Variants in MARK1 observed in about 807,000 individuals in gnomAD.
MARK1 encodes microtubule affinity regulating kinase 1, also known as serine/threonine-protein kinase MARK1.
In MARK1, 40 loss-of-function variants were observed where a neutral mutation model predicts 96.3. That is an observed-to-expected ratio of 0.42 (90% CI 0.32 to 0.54). The LOEUF (loss-of-function observed/expected upper bound fraction) is 0.54, where lower values mean the gene tolerates loss of function less well. Among genes scored for constraint, MARK1 ranks in the 20% least tolerant of loss-of-function variants. MARK1 has a pLI of 0.16. For missense variants in MARK1, 719 were observed against 984.6 expected (o/e 0.73, Z 3.61); for synonymous variants, 317 against 341.2 (o/e 0.93, Z 0.78).
chr1:220,585,519 A>T (rs1017497785), intron 3 of MARK1, among the ~76,000 whole-genome samples: 1 of 152,164 alleles, frequency 6.6e-6, no homozygotes, highest in Non-Finnish European at 1.5e-5. Context: ...GCCCTCTTTA[A>T]TTACTGGGGA....
intron 1 of MARK1, among the ~76,000 whole-genome samples, chr1:220,571,433 T>A (rs1308409530): frequency 6.6e-6 from 1 of 152,192 alleles, no homozygotes; most frequent in African/African-American, 2.4e-5. Flanking sequence ...AGCATTCTTT[T>A]CCAGCTGTTA....
intron 9 of MARK1, among the ~76,000 whole-genome samples, chr1:220,623,894 A>T (rs1190477827): frequency 6.6e-6 from 1 of 152,208 alleles, no homozygotes; most frequent in Non-Finnish European, 1.5e-5. Context: ...AAATCAGTTT[A>T]CATCCTGCCC....
intron 3 of MARK1, among the ~76,000 whole-genome samples, chr1:220,584,926 T>C (rs556280824): frequency 6.6e-6 from 1 of 152,344 alleles, no homozygotes; most frequent in Non-Finnish European, 1.5e-5. Context: ...AAACCACTTA[T>C]GTGCTGAGTA....
chr1:220,644,404 C>A (rs886088967), intron 13 of MARK1, among the ~76,000 whole-genome samples: 2 of 151,048 alleles, frequency 1.3e-5, no homozygotes, highest in Non-Finnish European at 3.0e-5. Flanking sequence ...ATAGAAGGAC[C>A]CAGATTCATA....
At chr1:220,589,145 C>T (rs1484757401) in intron 3 of MARK1, among the ~76,000 whole-genome samples, 6 of 152,152 alleles carry the variant, frequency 3.9e-5, no homozygotes, top group South Asian at 2.1e-4. Flanking sequence ...CAAGCGATGG[C>T]GAAGTCCTGT....
In MARK1 at chr1:220,528,719, C is replaced by A; in HGVS notation, c.-104C>A. On this transcript the variant is annotated 5_prime_UTR_variant, in exon 1 of 18. Coordinates refer to ENST00000366917, the MANE Select transcript of MARK1 (RefSeq NM_018650.5). The stretch of plus-strand genomic sequence containing the variant: ...CCCCGCGGCCTGCGGGAGCCGCTCG[C>A]CCCGGCCTTGTGCTCGCGTCCGCAC... 9.2e-7 allele frequency: 1 copy of A among 1,082,646 alleles called. No homozygotes were observed. Among genetic ancestry groups the A allele is most frequent in the Non-Finnish European group, 1.3e-6 (1 of 773,958 alleles). The allele number at this position is 1,082,646 out of a possible 1,614,324, so 67.1% of individuals were successfully genotyped here.
In MARK1 at chr1:220,630,219, A is replaced by C. The variant is rs766485210; in HGVS notation, c.910-816A>C. The stretch of plus-strand genomic sequence containing the variant: ...ATGTTGAGCATCTTTTCACACAGCA[A>C]GCATGCTTGTTGGCCACTTATGTAT... On this transcript the variant is annotated intron_variant, in intron 9 of 17. Coordinates refer to ENST00000366917, the MANE Select transcript of MARK1 (RefSeq NM_018650.5). 2.6e-5 allele frequency among the ~76,000 whole-genome samples: 4 copies of C among 152,140 alleles called. No homozygotes were observed. The South Asian group carries it at 8.3e-4, about 32-fold the overall frequency.
At chr1:220,657,858 C>T (rs773399668) in intron 17 of MARK1, 24 bp downstream of exon 17, 33 of 1,515,942 alleles carry the variant, frequency 2.2e-5, no homozygotes, top group East Asian at 1.7e-4. Flanking sequence ...ATTAATACTT[C>T]GCTGCTAGGT....
chr1:220,622,579 C>A (rs1030665049), intron 9 of MARK1, among the ~76,000 whole-genome samples: 3 of 152,034 alleles, frequency 2.0e-5, no homozygotes, highest in African/African-American at 7.2e-5. Context: ...TTTGTCTGGC[C>A]GTTCTAAATT....
intron 6 of MARK1, among the ~76,000 whole-genome samples, chr1:220,615,281 A>G (rs1197338074): frequency 6.6e-6 from 1 of 152,154 alleles, no homozygotes; most frequent in Non-Finnish European, 1.5e-5. Flanking sequence ...TTATGGCTGC[A>G]TACAAAATCA....
chr1:220,643,767 A>G (rs987718068), intron 13 of MARK1, among the ~76,000 whole-genome samples: 3 of 152,224 alleles, frequency 2.0e-5, no homozygotes, highest in Non-Finnish European at 4.4e-5. Flanking sequence ...GGGGGCCAAT[A>G]TTCTACATTC....
At chr1:220,567,680 A>G (rs1011368923) in intron 1 of MARK1, among the ~76,000 whole-genome samples, 3 of 152,172 alleles carry the variant, frequency 2.0e-5, no homozygotes, top group African/African-American at 7.2e-5. Flanking sequence ...TCTGGTATTG[A>G]GAATGTGCCA....
chr1:220,533,844 C>T lies in MARK1; in HGVS notation c.51+4971C>T, dbSNP rs114984820. On this transcript the variant is annotated intron_variant, in intron 1 of 17. Coordinates refer to ENST00000366917, the MANE Select transcript of MARK1 (RefSeq NM_018650.5). ...ATTTCTGGCACTCTGGTTAGATGTG[C>T]GAAAATTTATCATTCTATCCTTCAT... Among the ~76,000 whole-genome samples, 613 of 152,174 alleles carry T rather than the reference C, an allele frequency of 4.0e-3. 2 individuals are homozygous for T. Among genetic ancestry groups the T allele is most frequent in the African/African-American group, 0.014 (594 of 41,522 alleles).
At chr1:220,590,692 A>G (rs567039163) in intron 3 of MARK1, among the ~76,000 whole-genome samples, 1 of 152,132 alleles carries the variant, frequency 6.6e-6, no homozygotes, top group Non-Finnish European at 1.5e-5. Context: ...CTGGTATTCC[A>G]TTATCCTTAC....
chr1:220,659,059 C>A (rs1291638131), intron 17 of MARK1, among the ~76,000 whole-genome samples: 1 of 152,032 alleles, frequency 6.6e-6, no homozygotes, highest in Non-Finnish European at 1.5e-5. Flanking sequence ...TTAATAGTTG[C>A]ATTTTTGTCC....
At chr1:220,546,102 TC>T (rs1661472270) in intron 1 of MARK1, among the ~76,000 whole-genome samples, 1 of 152,192 alleles carries the variant, frequency 6.6e-6, no homozygotes. Flanking sequence ...TTAGTACTTT[TC>T]CATCTATTGA....
At chr1:220,646,635 G>A (rs1485210929) in intron 13 of MARK1, among the ~76,000 whole-genome samples, 8 of 152,220 alleles carry the variant, frequency 5.3e-5, no homozygotes, top group East Asian at 1.9e-4. Flanking sequence ...GAGGCATCAC[G>A]CTATCTGACA....
Position 220,662,347 on chromosome 1 carries a change from A to G in MARK1, c.*181A>G. 1 of 565,126 alleles carries G rather than the reference A, an allele frequency of 1.8e-6. No individual in the cohort carries two copies. The highest frequency in any genetic ancestry group is 2.8e-5 in the East Asian group (1 of 35,914). 35.0% of individuals were successfully genotyped at this position (565,126 alleles called of 1,614,324 possible). On this transcript the variant is annotated 3_prime_UTR_variant, in exon 18 of 18. Transcript: ENST00000366917. ...ATTAAAGTCAGTATGAACTATAATA[A>G]ATATCTGTAGCTTAAAAAGTAGGTT...
At chr1:220,638,728 G>C (rs1161734744) in intron 13 of MARK1, among the ~76,000 whole-genome samples, 1 of 151,906 alleles carries the variant, frequency 6.6e-6, no homozygotes, top group East Asian at 1.9e-4. Flanking sequence ...GAGAAATTCT[G>C]TTCTTAGCCA....
Sources: gnomAD v4.1 joint callset for allele counts (sites outside exome capture counted in the v4.1 genomes callset) on GRCh38, gnomAD v4.1.1 for gene constraint, MANE v1.5 for transcripts, NCBI Gene and HGNC (gene_info 2026-07-23, HGNC 2026-07-21) for gene names.